The following PPP1R9A variants were observed in gnomAD, a reference collection of about 807,000 sequenced individuals.
The protein encoded by PPP1R9A is neurabin-1.
A neutral mutation model predicts 141.9 loss-of-function variants in PPP1R9A; 59 were observed. That is an observed-to-expected ratio of 0.42 (90% CI 0.34 to 0.52). The LOEUF (loss-of-function observed/expected upper bound fraction) is 0.52. Ranked by LOEUF, PPP1R9A falls within the 20% of genes least tolerant of loss-of-function variation. The pLI is 0.10. For synonymous variants in PPP1R9A, 500 were observed against 569.7 expected (o/e 0.88, Z 1.74); for missense variants, 1,444 against 1,611.9 (o/e 0.90, Z 1.78).
chr7:95,033,964 T>C (rs555470880), intron 2 of PPP1R9A, among the ~76,000 whole-genome samples: 25 of 152,304 alleles, frequency 1.6e-4, no homozygotes, highest in African/African-American at 5.8e-4. Flanking sequence ...TCTTACACAT[T>C]GTTCTTCAAA....
intron 4 of PPP1R9A, among the ~76,000 whole-genome samples, chr7:95,123,843 C>G (rs1302351394): frequency 6.6e-6 from 1 of 152,076 alleles, no homozygotes; most frequent in African/African-American, 2.4e-5. Context: ...TTCCATAGTG[C>G]TATTCATATA....
chr7:95,176,962 A>C (rs1832995708), intron 5 of PPP1R9A, among the ~76,000 whole-genome samples: 1 of 152,180 alleles, frequency 6.6e-6, no homozygotes, highest in South Asian at 2.1e-4. Flanking sequence ...TAATTGAGGA[A>C]AACTTCCCAG....
In PPP1R9A at chr7:95,131,416, A is replaced by C. The variant is rs542487562; in HGVS notation, c.1649+10584A>C. ...AATTACCCAATCTTTGATATGTCTT[A>C]ATCAGCAGCATGAAAACAGAATGGT... On this transcript the variant is annotated intron_variant, in intron 4 of 19. Transcript: ENST00000433360. Among the ~76,000 whole-genome samples the C allele has an allele frequency of 5.9e-5, 9 of 152,266 alleles. No individual in the cohort carries two copies. The East Asian group carries it at 1.7e-3, about 29-fold the overall frequency.
At chr7:95,132,768 A>G (rs112923601) in intron 4 of PPP1R9A, among the ~76,000 whole-genome samples, 5 of 152,204 alleles carry the variant, frequency 3.3e-5, no homozygotes, top group African/African-American at 1.2e-4. Context: ...CACTTAGTCT[A>G]TGGCTGGGCT....
intron 2 of PPP1R9A, chr7:95,036,527 C>A (rs958653068): frequency 1.3e-5 from 2 of 152,164 alleles, no homozygotes; most frequent in Non-Finnish European, 2.9e-5. Context: ...TATGAATATA[C>A]TCCTCTTGCT....
At chr7:95,174,125 A>G (rs1486540982) in intron 5 of PPP1R9A, among the ~76,000 whole-genome samples, 1 of 152,164 alleles carries the variant, frequency 6.6e-6, no homozygotes, top group Non-Finnish European at 1.5e-5. Context: ...GTGTTCTTTA[A>G]CTGATAAATG....
intron 2 of PPP1R9A, among the ~76,000 whole-genome samples, chr7:95,008,882 C>T (rs951373242): frequency 4.6e-5 from 7 of 152,034 alleles, no homozygotes; most frequent in African/African-American, 7.2e-5. Context: ...TTCACAATAG[C>T]AGAGACTTGG....
chr7:95,279,105 T>C (rs1803688696), intron 16 of PPP1R9A, among the ~76,000 whole-genome samples: 1 of 152,250 alleles, frequency 6.6e-6, no homozygotes, highest in South Asian at 2.1e-4. Flanking sequence ...GCAGTCTTGT[T>C]CATCCAAGGA....
chr7:95,144,410 G>C (rs1282903077), intron 4 of PPP1R9A, among the ~76,000 whole-genome samples: 1 of 151,130 alleles, frequency 6.6e-6, no homozygotes, highest in Non-Finnish European at 1.5e-5. Flanking sequence ...CAGACACTGG[G>C]TTTTTTTTTC....
intron 16 of PPP1R9A, among the ~76,000 whole-genome samples, chr7:95,283,413 A>C (rs1804654897): frequency 6.6e-6 from 1 of 152,220 alleles, no homozygotes; most frequent in African/African-American, 2.4e-5. Flanking sequence ...GAGACCATGT[A>C]CTTAGGAGGT....
At chr7:95,277,748 C>A (rs1451381331) in intron 16 of PPP1R9A, among the ~76,000 whole-genome samples, 2 of 152,212 alleles carry the variant, frequency 1.3e-5, no homozygotes, top group East Asian at 3.8e-4. Flanking sequence ...TTTAAACAGG[C>A]AGCATAGCAG....
chr7:95,188,562 TTTTG>T (rs1454297116), intron 5 of PPP1R9A, among the ~76,000 whole-genome samples: 1 of 149,850 alleles, frequency 6.7e-6, no homozygotes, highest in Non-Finnish European at 1.5e-5. Context: ...GTTTGTTTGT[TTTTG>T]TTTGTGTGTG....
intron 2 of PPP1R9A, among the ~76,000 whole-genome samples, chr7:94,925,470 T>G (rs1280464284): frequency 1.3e-5 from 2 of 152,012 alleles, no homozygotes; most frequent in African/African-American, 4.8e-5. Flanking sequence ...AACTCATTTT[T>G]CCCCCCACAT....
At chr7:95,082,607 G>A (rs1816028964) in intron 2 of PPP1R9A, among the ~76,000 whole-genome samples, 1 of 151,748 alleles carries the variant, frequency 6.6e-6, no homozygotes, top group Admixed American at 6.6e-5. Context: ...TGGCATGGGG[G>A]CGTGTGCCTG....
intron 2 of PPP1R9A, among the ~76,000 whole-genome samples, chr7:95,083,047 G>A (rs540976876): frequency 2.0e-5 from 3 of 151,828 alleles, no homozygotes; most frequent in Non-Finnish European, 2.9e-5. Context: ...GAGCCACTGC[G>A]CCCAGCCGGG....
intron 3 of PPP1R9A, among the ~76,000 whole-genome samples, chr7:95,119,928 A>G (rs1299077299): frequency 1.3e-5 from 2 of 151,208 alleles, no homozygotes; most frequent in Non-Finnish European, 2.9e-5. Context: ...ATAGAAGCAC[A>G]GAGGAAAGTA....
intron 4 of PPP1R9A, chr7:95,156,685 C>T (rs951137465): frequency 6.6e-6 from 1 of 152,252 alleles, no homozygotes; most frequent in African/African-American, 2.4e-5. Context: ...AGGGAAGCTC[C>T]TCCTAGCAGG....
intron 12 of PPP1R9A, among the ~76,000 whole-genome samples, chr7:95,263,781 G>A (rs1398352764): frequency 6.6e-6 from 1 of 152,064 alleles, no homozygotes; most frequent in Non-Finnish European, 1.5e-5. Context: ...TTGTGTTAAT[G>A]TTTTCTAAAT....
chr7:95,165,844 C>G (rs1585037873), intron 5 of PPP1R9A, among the ~76,000 whole-genome samples: 1 of 152,058 alleles, frequency 6.6e-6, no homozygotes, highest in East Asian at 1.9e-4. Flanking sequence ...AAGAAGAAAA[C>G]TATAAATGTT....
Sources: gnomAD v4.1 joint callset for allele counts (sites outside exome capture counted in the v4.1 genomes callset) on GRCh38, gnomAD v4.1.1 for gene constraint, MANE v1.5 for transcripts, NCBI Gene and HGNC (gene_info 2026-07-23, HGNC 2026-07-21) for gene names.